Variants in CZIB observed in about 807,000 individuals in gnomAD.
The protein encoded by CZIB is CXXC motif containing zinc binding protein.
In CZIB, 26 loss-of-function variants were observed where a neutral mutation model predicts 28.3. The observed-to-expected ratio is 0.92, with a 90% CI of 0.67 to 1.27. The LOEUF is 1.27. Among genes scored for constraint, CZIB ranks in the 50% most tolerant of loss-of-function variants. CZIB has a pLI of 0.00. For missense variants in CZIB, 179 were observed against 197.3 expected (o/e 0.91, Z 0.56); for synonymous variants, 78 against 71.1 (o/e 1.10, Z -0.49).
At chr1:53,217,878 C>A in intron 5 of CZIB, 1 of 389,634 alleles carries the variant, frequency 2.6e-6, no homozygotes, top group Non-Finnish European at 4.6e-6. Flanking sequence ...GCTTGCTAGT[C>A]CCCTAAAATG....
rs754730665 is a variant in CZIB at position 53,216,763 on chromosome 1, C to T, written c.339+19G>A. ...CCCCTCCCCAAAGACAAAGATTCCC[C>T]AGAAAGATACACACACACCTGCGGC... is the stretch of plus-strand genomic sequence containing the variant. On this transcript the variant is annotated intron_variant, in intron 6 of 7. Coordinates refer to ENST00000294360, the MANE Select transcript of CZIB (RefSeq NM_017887.3). The T allele has an allele frequency of 6.2e-7, 1 of 1,611,960 alleles. No individual in the cohort carries two copies. The highest frequency in any genetic ancestry group is 2.2e-5 in the East Asian group (1 of 44,868).
In CZIB at chr1:53,220,588, C is replaced by G; in HGVS notation, c.-13G>C. 1.9e-6 allele frequency: 3 copies of G among 1,597,546 alleles called. No homozygotes were observed. The highest frequency in any genetic ancestry group is 1.1e-5 in the South Asian group (1 of 90,830). On this transcript the variant is annotated 5_prime_UTR_variant, in exon 1 of 8. Transcript: ENST00000294360. ...CCCTCACCCCCATGGTAGCCCTCTC[C>G]GCCCGGTGCTGGCTGCGGCCCTTGC...
chr1:53,220,590 C>G lies in CZIB; in HGVS notation c.-15G>C, dbSNP rs773175591. 4 of 1,597,426 alleles carry G rather than the reference C, an allele frequency of 2.5e-6. 1 individual carries two copies. In the South Asian group the frequency reaches 4.4e-5, roughly 18 times the overall value. The stretch of plus-strand genomic sequence containing the variant: ...CTCACCCCCATGGTAGCCCTCTCCG[C>G]CCGGTGCTGGCTGCGGCCCTTGCCG... On this transcript the variant is annotated 5_prime_UTR_variant, in exon 1 of 8. Transcript: ENST00000294360.
rs760163030 is a variant in CZIB, at chr1:53,218,472, GC to G, written c.170del (p.Gly57AlafsTer23). Reference protein sequence around the residue: ...RLMDSVALKGGRGSASMVQKC... With the variant: ...RLMDSVALKGXRGSASMVQKC... The stretch of plus-strand genomic sequence containing the variant: ...TCTGGACCATGGAAGCACTGCCACG[GC>G]CCCCCTTCAGTGCCACACTGTCCTG... On this transcript the variant is annotated frameshift_variant, in exon 4 of 8. Coordinates refer to ENST00000294360, the MANE Select transcript of CZIB (RefSeq NM_017887.3). LOFTEE classifies it high-confidence loss of function. 4.3e-6 allele frequency: 7 copies of G among 1,613,978 alleles called. No individual in the cohort carries two copies. Among genetic ancestry groups the G allele is most frequent in the African/African-American group, 1.3e-5 (1 of 74,888 alleles).
At chr1:53,218,134 T>G in intron 5 of CZIB, 38 bp downstream of exon 5, 1 of 1,608,876 alleles carries the variant, frequency 6.2e-7, no homozygotes, top group Non-Finnish European at 8.5e-7. Context: ...AGTTAGGATT[T>G]AAGCCCACCA....
intron 7 of CZIB, 35 bp downstream of exon 7, chr1:53,215,956 C>T (rs762004097): frequency 6.2e-7 from 1 of 1,600,758 alleles, no homozygotes; most frequent in Non-Finnish European, 8.6e-7. Context: ...CACCAGGTGC[C>T]CTACAGTACC....
chr1:53,218,531 G>T, intron 3 of CZIB, 36 bp from the exon 4 acceptor site: 1 of 1,596,762 alleles, frequency 6.3e-7, no homozygotes. Context: ...AGTCACATAT[G>T]AATTAGATGT....
At chr1:53,219,057 T>C in intron 2 of CZIB, 134 bp from the exon 3 acceptor site, 1 of 752,336 alleles carries the variant, frequency 1.3e-6, no homozygotes, top group South Asian at 1.6e-5. Context: ...CCCTAACACC[T>C]GCCCCAACAA....
At chr1:53,219,692 A>G (rs1460995398) in intron 2 of CZIB, 2 of 152,668 alleles carry the variant, frequency 1.3e-5, no homozygotes, top group Non-Finnish European at 2.9e-5. Context: ...CCTGGGAAAC[A>G]AAAGTAGTCC....
rs113593194 is a variant in CZIB, at chr1:53,218,850, G to T, written c.147+17C>A. ...TTTGTGAGTGTTTATGTTGGGGGTT[G>T]GGCGGGGAACAGTTACCATCAGCCG... On this transcript the variant is annotated intron_variant, in intron 3 of 7. Coordinates refer to ENST00000294360, the MANE Select transcript of CZIB (RefSeq NM_017887.3). 5 of 1,606,498 alleles carry T rather than the reference G, an allele frequency of 3.1e-6. No individual in the cohort carries two copies. The highest frequency in any genetic ancestry group is 4.5e-5 in the East Asian group (2 of 44,832).
intron 7 of CZIB, among the ~76,000 whole-genome samples, chr1:53,215,014 T>C (rs1388496507): frequency 6.6e-6 from 1 of 152,158 alleles, no homozygotes; most frequent in African/African-American, 2.4e-5. Context: ...TCATATTGAA[T>C]GTTGAAAGAA....
At chr1:53,214,940 A>G (rs1645460554) in intron 7 of CZIB, among the ~76,000 whole-genome samples, 1 of 152,208 alleles carries the variant, frequency 6.6e-6, no homozygotes, top group Non-Finnish European at 1.5e-5. Context: ...AACTTCTCTG[A>G]GTCCCTTCTC....
chr1:53,214,751 G>A lies in CZIB; in HGVS notation c.406-15C>T, dbSNP rs1645458668. The stretch of plus-strand genomic sequence containing the variant: ...TCAGTCCAGTCCTGGGAAACAAAAT[G>A]GCATTGTTAGCCTCACAACGCAGAA... On this transcript the variant is annotated splice_polypyrimidine_tract_variant and intron_variant, in intron 7 of 7. Coordinates refer to ENST00000294360, the MANE Select transcript of CZIB (RefSeq NM_017887.3). The A allele has an allele frequency of 6.2e-7, 1 of 1,611,708 alleles. No homozygotes were observed. The highest frequency in any genetic ancestry group is 8.5e-7 in the Non-Finnish European group (1 of 1,178,360).
intron 7 of CZIB, among the ~76,000 whole-genome samples, chr1:53,215,477 C>G (rs1017411942): frequency 6.6e-6 from 1 of 152,214 alleles, no homozygotes; most frequent in South Asian, 2.1e-4. Context: ...GGCTTGAGCA[C>G]AAGGCTTTTC....
intron 4 of CZIB, 41 bp from the exon 5 acceptor site, chr1:53,218,244 A>G (rs1158897423): frequency 6.2e-7 from 1 of 1,611,880 alleles, no homozygotes; most frequent in East Asian, 2.2e-5. Context: ...TTGAGTCCAT[A>G]CCCTCGCCCC....
At chr1:53,219,012 C>T (rs1645493297) in intron 2 of CZIB, 89 bp from the exon 3 acceptor site, 13 of 1,087,734 alleles carry the variant, frequency 1.2e-5, no homozygotes, top group Non-Finnish European at 1.8e-5. Context: ...TGGGCAGGCT[C>T]ATGATCTACC....
rs1279712067 is a variant in CZIB, at chr1:53,218,202, C to T, written c.231G>A (p.Glu77=). 2 of 1,614,022 alleles carry T rather than the reference C, an allele frequency of 1.2e-6. No individual in the cohort carries two copies. Among genetic ancestry groups the T allele is most frequent in the Non-Finnish European group, 1.7e-6 (2 of 1,179,986 alleles). The change falls in exon 5 of 8, where the codon GAG becomes GAA. Residue 77 remains glutamate (E), a splice_region_variant and synonymous_variant. Transcript: ENST00000294360. Reference sequence around the variant, plus strand: ...AAGGCTTGATGGTGCTGCTTAAAATCTCTGAAATAGAAAAGAGAACACAAA... The same window carrying T: ...AAGGCTTGATGGTGCTGCTTAAAATTTCTGAAATAGAAAAGAGAACACAAA... The part of the protein sequence containing the change: ...CKLCARENSI[E]ILSSTIKPYN...
In CZIB at chr1:53,214,722, A is replaced by G. The variant is rs1228880559; in HGVS notation, c.420T>C (p.Tyr140=). Reference sequence around the variant, plus strand: ...CCACAGACTCCTGGGCCTTTTCATCATAGTCAGTCCAGTCCTGGGAAACAA... The same window carrying G: ...CCACAGACTCCTGGGCCTTTTCATCGTAGTCAGTCCAGTCCTGGGAAACAA... ...INLQEKDWTD[Y]DEKAQESVGI... Residue 140 remains tyrosine, a synonymous_variant, in exon 8 of 8, where the codon TAT becomes TAC. Transcript: ENST00000294360. 6.2e-7 allele frequency: 1 copy of G among 1,614,016 alleles called. No homozygotes were observed. The highest frequency in any genetic ancestry group is 8.5e-7 in the Non-Finnish European group (1 of 1,179,996).
intron 6 of CZIB, 92 bp downstream of exon 6, chr1:53,216,690 G>A: frequency 8.6e-7 from 1 of 1,161,858 alleles, no homozygotes; most frequent in Admixed American, 1.7e-5. Context: ...AGAATGTCTA[G>A]TCCATGGTAT....
Sources: gnomAD v4.1 joint callset for allele counts (sites outside exome capture counted in the v4.1 genomes callset) on GRCh38, gnomAD v4.1.1 for gene constraint, MANE v1.5 for transcripts, NCBI Gene and HGNC (gene_info 2026-07-23, HGNC 2026-07-21) for gene names.